Variants in NEGR1 observed in about 807,000 individuals in gnomAD.
NEGR1 encodes the protein IgLON family member 4.
NEGR1 carries 10 observed loss-of-function variants against 40.9 expected under a neutral mutation model. That is an observed-to-expected ratio of 0.24 (90% CI 0.15 to 0.42). NEGR1 has a LOEUF of 0.42. NEGR1 is among the 10% of genes least tolerant of loss of function. The pLI is 1.00. For synonymous variants in NEGR1, 185 were observed against 166.8 expected, an observed-to-expected ratio of 1.11 and a Z score of -0.84; for missense variants, 352 against 438.9, an observed-to-expected ratio of 0.80 and a Z score of 1.77.
intron 2 of NEGR1, among the ~76,000 whole-genome samples, chr1:71,894,966 T>A (rs1660927127): frequency 6.6e-6 from 1 of 152,128 alleles, no homozygotes; most frequent in Non-Finnish European, 1.5e-5. Context: ...ATCCATACTA[T>A]GAAATAATCT....
chr1:72,081,106 T>C (rs1647977542), intron 1 of NEGR1, among the ~76,000 whole-genome samples: 1 of 152,142 alleles, frequency 6.6e-6, no homozygotes, highest in Admixed American at 6.6e-5. Flanking sequence ...TTTACATACT[T>C]TCAGTTGTAC....
At chr1:71,592,240 T>C (rs1049430323) in intron 6 of NEGR1, among the ~76,000 whole-genome samples, 1 of 152,138 alleles carries the variant, frequency 6.6e-6, no homozygotes, top group Admixed American at 6.5e-5. Flanking sequence ...TTTTAGTCCT[T>C]AGGAAGTAAG....
At position 71,678,068 on chromosome 1, in the gene NEGR1, TGACA is replaced by T. The variant is rs1652705926; in HGVS notation, c.667+19936_667+19939del. On this transcript the variant is annotated intron_variant, in intron 4 of 6. Transcript: ENST00000357731. ...TTACAGAGCACATGCAGATACATGA[TGACA>T]GATCATGACAGATCTGTAGGGCATG... 0.021 allele frequency among the ~76,000 whole-genome samples: 3 copies of T among 144 alleles called. No individual in the cohort carries two copies. The Non-Finnish European group carries it at 0.21, about 10-fold the overall frequency. 0.1% of individuals were successfully genotyped at this position (144 alleles called of 152,430 possible).
intron 3 of NEGR1, among the ~76,000 whole-genome samples, chr1:71,769,552 G>T (rs1347893824): frequency 6.6e-6 from 1 of 152,176 alleles, no homozygotes; most frequent in African/African-American, 2.4e-5. Context: ...GATAGTGAGT[G>T]AGTTGTCAAG....
At chr1:71,759,549 G>A (rs1006584326) in intron 3 of NEGR1, among the ~76,000 whole-genome samples, 7 of 139,332 alleles carry the variant, frequency 5.0e-5, no homozygotes, top group Middle Eastern at 3.9e-3. Context: ...CACTCGCCTC[G>A]GCCTCCCAAA....
At chr1:71,512,631 G>A (rs112397541) in intron 6 of NEGR1, among the ~76,000 whole-genome samples, 7 of 149,804 alleles carry the variant, frequency 4.7e-5, no homozygotes, top group African/African-American at 1.7e-4. Flanking sequence ...TGCCCAGGCT[G>A]GAGTGGAGCA....
intron 1 of NEGR1, among the ~76,000 whole-genome samples, chr1:71,973,312 A>G (rs1265308621): frequency 7.4e-6 from 1 of 136,006 alleles, no homozygotes; most frequent in Admixed American, 7.3e-5. Flanking sequence ...CGAGACTCCA[A>G]CTCAAAAGAA....
At chr1:71,537,089 G>T (rs1165592576) in intron 6 of NEGR1, among the ~76,000 whole-genome samples, 1 of 151,570 alleles carries the variant, frequency 6.6e-6, no homozygotes, top group Admixed American at 6.6e-5. Flanking sequence ...ACAATTCTGA[G>T]AATTATCTAA....
chr1:71,992,040 C>T (rs1235104154), intron 1 of NEGR1, among the ~76,000 whole-genome samples: 1 of 152,042 alleles, frequency 6.6e-6, no homozygotes, highest in Middle Eastern at 3.2e-3. Context: ...GGCAATCTGC[C>T]CTCCTTGGCC....
chr1:71,722,570 T>A (rs1384273335), intron 3 of NEGR1, among the ~76,000 whole-genome samples: 2 of 152,034 alleles, frequency 1.3e-5, no homozygotes, highest in Non-Finnish European at 2.9e-5. Flanking sequence ...CAAAAAACAA[T>A]GGGAATAAAT....
At chr1:72,073,758 C>G (rs899408130) in intron 1 of NEGR1, among the ~76,000 whole-genome samples, 2 of 151,210 alleles carry the variant, frequency 1.3e-5, no homozygotes, top group African/African-American at 4.9e-5. Flanking sequence ...AAGAGATATC[C>G]TTAAGATTCA....
chr1:71,958,064 C>G (rs1413055592), intron 1 of NEGR1, among the ~76,000 whole-genome samples: 4 of 152,188 alleles, frequency 2.6e-5, no homozygotes, highest in African/African-American at 9.7e-5. Flanking sequence ...CTTATCACCC[C>G]ACATGAATAG....
chr1:71,602,237 TC>T (rs1259312570), intron 5 of NEGR1, among the ~76,000 whole-genome samples: 8 of 122,822 alleles, frequency 6.5e-5, no homozygotes, highest in South Asian at 2.9e-4. Context: ...CCATGATTAT[TC>T]TTTTTTTTTT....
chr1:71,706,914 C>T (rs1285054521), intron 3 of NEGR1, among the ~76,000 whole-genome samples: 1 of 152,010 alleles, frequency 6.6e-6, no homozygotes, highest in African/African-American at 2.4e-5. Flanking sequence ...AGACTCAGTA[C>T]ATTACCAGCT....
intron 2 of NEGR1, among the ~76,000 whole-genome samples, chr1:71,831,894 G>A (rs1393238525): frequency 6.6e-6 from 1 of 151,846 alleles, no homozygotes; most frequent in Non-Finnish European, 1.5e-5. Context: ...GGGAGCCCTG[G>A]TTTGAAGGAA....
chr1:71,802,416 C>T (rs1423832087), intron 2 of NEGR1, among the ~76,000 whole-genome samples: 2 of 152,046 alleles, frequency 1.3e-5, no homozygotes, highest in Non-Finnish European at 2.9e-5. Flanking sequence ...CATGCTTTAT[C>T]CTACAAAAAA....
At chr1:72,142,540 T>TAGATAGAC (rs1268761198) in intron 1 of NEGR1, among the ~76,000 whole-genome samples, 5 of 151,470 alleles carry the variant, frequency 3.3e-5, no homozygotes, top group African/African-American at 1.2e-4. Context: ...GATAGATAGA[T>TAGATAGAC]AGATAGATAG....
chr1:72,087,644 C>A (rs1453656317), intron 1 of NEGR1, among the ~76,000 whole-genome samples: 1 of 151,186 alleles, frequency 6.6e-6, no homozygotes, highest in Non-Finnish European at 1.5e-5. Flanking sequence ...TTTACTGAGA[C>A]AAGATCCCCC....
chr1:72,206,303 C>T (rs1249022844), intron 1 of NEGR1, among the ~76,000 whole-genome samples: 2 of 151,828 alleles, frequency 1.3e-5, no homozygotes, highest in African/African-American at 4.8e-5. Context: ...GAAAATGTGG[C>T]TTACTGTGAG....
Sources: allele counts gnomAD v4.1 joint callset (sites outside exome capture counted in the v4.1 genomes callset), GRCh38; gene constraint gnomAD v4.1.1; transcripts MANE v1.5; gene names NCBI Gene and HGNC (gene_info 2026-07-23, HGNC 2026-07-21).